NFATC4: variants seen among roughly 807,000 people sequenced by gnomAD.
NFATC4 encodes the protein nuclear factor of activated T-cells, cytoplasmic 4.
NFATC4 carries 25 observed loss-of-function variants against 73.4 expected under a neutral mutation model. That is an observed-to-expected ratio of 0.34 (90% CI 0.25 to 0.48). The LOEUF is 0.48. Ranked by LOEUF, NFATC4 falls within the 20% of genes least tolerant of loss-of-function variation. The pLI, the probability that NFATC4 is intolerant of heterozygous loss-of-function variation, is 0.99. For synonymous variants in NFATC4, 523 were observed against 510.3 expected, an observed-to-expected ratio of 1.02 and a Z score of -0.34; for missense variants, 1,130 against 1,203.7, an observed-to-expected ratio of 0.94 and a Z score of 0.91.
rs761831773 is a variant in NFATC4, at chr14:24,373,293, G to A, written c.1482G>A (p.Thr494=). The change falls in exon 4 of 10, where the codon ACG becomes ACA. Residue 494 remains threonine (T), a synonymous_variant. Coordinates refer to ENST00000250373, the MANE Select transcript of NFATC4 (RefSeq NM_004554.5). This position sits in a 1 kb window ranked among gnomAD's most constrained non-coding sequence, Gnocchi z 4.7. ...VHRITGKMVA[T]ASYEAVVSGT... ...GTATCACAGGCAAGATGGTGGCCAC[G>A]GCCAGCTATGAAGCCGTAGTCAGTG... 4.3e-6 allele frequency: 7 copies of A among 1,614,174 alleles called. No individual in the cohort carries two copies. Among genetic ancestry groups the A allele is most frequent in the South Asian group, 2.2e-5 (2 of 91,082 alleles).
At position 24,369,702 on chromosome 14, in the gene NFATC4, G is replaced by C. The variant is rs750661193; in HGVS notation, c.304G>C (p.Ala102Pro). Residue 102 changes from alanine to proline, a missense_variant, in exon 2 of 10, where the codon GCT (alanine) becomes CCT (proline). This residue lies in a region of NFATC4 where 585 missense variants were observed against 574.3 expected (regional missense o/e 1.02). Coordinates refer to ENST00000250373, the MANE Select transcript of NFATC4 (RefSeq NM_004554.5). ...GAGGCTGGGAGGACCAGGAGGGGGT[G>C]CTGGGGGTGCTGGGGGTGGCCGTGT... ...SVRLGGPGGG[A>P]GGAGGGRVLE... 2.5e-6 allele frequency: 4 copies of C among 1,609,852 alleles called. No individual in the cohort carries two copies. Among genetic ancestry groups the C allele is most frequent in the Non-Finnish European group, 2.5e-6 (3 of 1,177,670 alleles).
chr14:24,372,287 T>C, intron 2 of NFATC4, 154 bp from the exon 3 acceptor site: 1 of 811,568 alleles, frequency 1.2e-6, no homozygotes, highest in Non-Finnish European at 1.8e-6. Context: ...AAAAATTCTT[T>C]TTTCCCTTCT....
In NFATC4 at chr14:24,376,699, C is replaced by G. The variant is rs769268740; in HGVS notation, c.2462C>G (p.Pro821Arg). The change falls in exon 9 of 10, where the codon CCG becomes CGG. Residue 821 changes from proline (P) to arginine (R), a missense_variant. Physicochemically the swap from Pro to Arg is moderately radical, Grantham distance 103. Transcript: ENST00000250373. The surrounding 1 kb of genome is among the most constrained non-coding windows in gnomAD (Gnocchi z 5.0). ...FRPPPLPASP[P>R]LEGPFPSQSD... ...CCGCCTCCTCTTCCTGCATCCCCAC[C>G]GCTTGAAGGCCCCTTCCCTTCCCAG... 14 of 1,613,700 alleles carry G rather than the reference C, an allele frequency of 8.7e-6. No individual in the cohort carries two copies. The highest frequency in any genetic ancestry group is 1.6e-4 in the Middle Eastern group (1 of 6,084).
chr14:24,367,165 T>C, upstream of NFATC4: 1 of 1,613,572 alleles, frequency 6.2e-7, no homozygotes. Context: ...TCTCCAAGCC[T>C]GACTTTCCCG....
chr14:24,373,485 G>T lies in NFATC4; in HGVS notation c.1559+115G>T. 2.1e-6 allele frequency: 3 copies of T among 1,410,764 alleles called. No homozygotes were observed. Among genetic ancestry groups the T allele is most frequent in the Non-Finnish European group, 1.9e-6 (2 of 1,031,950 alleles). The allele number at this position is 1,410,764 out of a possible 1,614,324, so 87.4% of individuals were successfully genotyped here. ...GAAGAGGTAGACATTTTTCCTAGGA[G>T]CTGGCTTCAGGCCTACCCACCATCT... On this transcript the variant is annotated intron_variant, in intron 4 of 9. Coordinates refer to ENST00000250373, the MANE Select transcript of NFATC4 (RefSeq NM_004554.5). The surrounding 1 kb of genome is among the most constrained non-coding windows in gnomAD (Gnocchi z 4.7).
At chr14:24,367,943 A>C (rs2042349679), upstream of NFATC4, 1 of 1,249,612 alleles carries the variant, frequency 8.0e-7, no homozygotes, top group Admixed American at 3.9e-5. Flanking sequence ...ACAACGGCGG[A>C]CCAATAGGCA....
chr14:24,370,294 C>A lies in NFATC4; in HGVS notation c.896C>A (p.Pro299Gln). ...SLGEEGSEPP[P>Q]PPPLPLARDP... ...GGGGAAGAGGGGTCTGAGCCACCTC[C>A]ACCACCCCCATTGCCTCTGGCCCGG... is the stretch of plus-strand genomic sequence containing the variant. Residue 299 changes from proline to glutamine, a missense_variant, in exon 2 of 10, where the codon CCA (proline) becomes CAA (glutamine). By Grantham distance (76) the Pro-to-Gln change is moderately conservative. Coordinates refer to ENST00000250373, the MANE Select transcript of NFATC4 (RefSeq NM_004554.5). The A allele has an allele frequency of 6.2e-7, 1 of 1,611,580 alleles. No individual in the cohort carries two copies. The highest frequency in any genetic ancestry group is 8.5e-7 in the Non-Finnish European group (1 of 1,178,484).
Position 24,376,280 on chromosome 14 carries a change from T to G in NFATC4, c.2057-14T>G. 2.6e-6 allele frequency: 4 copies of G among 1,560,024 alleles called. No homozygotes were observed. Among genetic ancestry groups the G allele is most frequent in the Non-Finnish European group, 2.6e-6 (3 of 1,152,826 alleles). ...CCTCTCACCAGCATGTCCTCCCACTTCCTGTCTTCCCAGTGATCTGCAAAG... is the reference window on the plus strand; with the variant it reads ...CCTCTCACCAGCATGTCCTCCCACTGCCTGTCTTCCCAGTGATCTGCAAAG... On this transcript the variant is annotated splice_polypyrimidine_tract_variant and intron_variant, in intron 8 of 9. Transcript: ENST00000250373. The surrounding 1 kb of genome is among the most constrained non-coding windows in gnomAD (Gnocchi z 5.0).
chr14:24,372,336 C>A, intron 2 of NFATC4, 105 bp from the exon 3 acceptor site: 5 of 1,218,690 alleles, frequency 4.1e-6, no homozygotes, highest in Middle Eastern at 5.7e-4. Flanking sequence ...TTCTTCTGTG[C>A]TTTCCTTTCT....
chr14:24,372,327 T>C (rs573652874), intron 2 of NFATC4, 114 bp from the exon 3 acceptor site: 3 of 1,137,862 alleles, frequency 2.6e-6, no homozygotes, highest in Admixed American at 2.4e-5. Flanking sequence ...CTTCTTTATT[T>C]CTTCTGTGCT....
At position 24,374,365 on chromosome 14, in the gene NFATC4, A is replaced by G; in HGVS notation, c.1772A>G (p.Tyr591Cys). 2 of 1,613,826 alleles carry G rather than the reference A, an allele frequency of 1.2e-6. No homozygotes were observed. Among genetic ancestry groups the G allele is most frequent in the Non-Finnish European group, 1.7e-6 (2 of 1,179,942 alleles). Residue 591 changes from tyrosine (Y) to cysteine (C), a missense_variant, in exon 6 of 10, where the codon TAC (tyrosine) becomes TGC (cysteine). Coordinates refer to ENST00000250373, the MANE Select transcript of NFATC4 (RefSeq NM_004554.5). ...CAGGAGCTGCCCCAGGTGGAGGCCT[A>G]CAGCCCCAGTGCCTGCTCTGTGAGA... ...SAQELPQVEA[Y>C]SPSACSVRGG...
rs770490815 is a variant in NFATC4 at position 24,372,495 on chromosome 14, G to A, written c.1251G>A (p.Leu417=). ...DWPLPSQYEQ[L]ELRIEVQPRA... is the part of the protein sequence containing the mutation. ...CTCTGCCCAGCCAATATGAGCAGCT[G>A]GAGCTGAGGATCGAGGTACAGCCTA... The change falls in exon 3 of 10, where the codon CTG becomes CTA. Residue 417 remains leucine, a synonymous_variant. Transcript: ENST00000250373. The A allele has an allele frequency of 1.2e-6, 2 of 1,614,030 alleles. No homozygotes were observed. Among genetic ancestry groups the A allele is most frequent in the Non-Finnish European group, 1.7e-6 (2 of 1,180,034 alleles).
chr14:24,376,104 G>A lies in NFATC4; in HGVS notation c.2056+3G>A. The A allele has an allele frequency of 6.2e-7, 1 of 1,613,956 alleles. No homozygotes were observed. The highest frequency in any genetic ancestry group is 8.5e-7 in the Non-Finnish European group (1 of 1,179,930). ...CCAGAGTTTCAGGTTTCTGCCTGGT[G>A]CGCTCTGGGACAGCCCATGGTGGGG... is the stretch of plus-strand genomic sequence containing the variant. On this transcript the variant is annotated splice_donor_region_variant and intron_variant, in intron 8 of 9. Transcript: ENST00000250373. The surrounding 1 kb of genome is among the most constrained non-coding windows in gnomAD (Gnocchi z 5.0).
Position 24,372,679 on chromosome 14 carries a change from GC to G in NFATC4, c.1359+79del. Reference sequence around the variant, plus strand: ...TCCAGCTATGCAGACACATGGCACTGCCCTTTCCCACACTCCCTCTCAGCTC... The same window carrying G: ...TCCAGCTATGCAGACACATGGCACTGCCTTTCCCACACTCCCTCTCAGCTC... On this transcript the variant is annotated intron_variant, in intron 3 of 9. Coordinates refer to ENST00000250373, the MANE Select transcript of NFATC4 (RefSeq NM_004554.5). The G allele has an allele frequency of 1.8e-5, 28 of 1,568,224 alleles. No homozygotes were observed. In the South Asian group the frequency reaches 3.2e-4, roughly 18 times the overall value.
In NFATC4 at chr14:24,373,043, G is replaced by T. The variant is rs572654811; in HGVS notation, c.1360-128G>T. ...CCACAACGGGTGCCCAGTTCCCCAA[G>T]GGATTCCCTTGCAGGATATCCTTTA... On this transcript the variant is annotated intron_variant, in intron 3 of 9. Coordinates refer to ENST00000250373, the MANE Select transcript of NFATC4 (RefSeq NM_004554.5). The surrounding 1 kb of genome is among the most constrained non-coding windows in gnomAD (Gnocchi z 4.7). 2 of 942,680 alleles carry T rather than the reference G, an allele frequency of 2.1e-6. No individual in the cohort carries two copies. Among genetic ancestry groups the T allele is most frequent in the African/African-American group, 3.3e-5 (2 of 60,418 alleles). The allele number at this position is 942,680 out of a possible 1,614,324, so 58.4% of individuals were successfully genotyped here.
chr14:24,376,153 G>A lies in NFATC4; in HGVS notation c.2056+52G>A. The A allele has an allele frequency of 6.2e-7, 1 of 1,612,422 alleles. No individual in the cohort carries two copies. The highest frequency in any genetic ancestry group is 8.5e-7 in the Non-Finnish European group (1 of 1,178,968). ...GGGTATAGGGATATGGGGAGCTGGA[G>A]CAGGAGCAGAGGGAAGCAGTACTCA... On this transcript the variant is annotated intron_variant, in intron 8 of 9. Coordinates refer to ENST00000250373, the MANE Select transcript of NFATC4 (RefSeq NM_004554.5). This position sits in a 1 kb window ranked among gnomAD's most constrained non-coding sequence, Gnocchi z 5.0.
intron 1 of NFATC4, chr14:24,369,007 C>A: frequency 7.9e-7 from 1 of 1,268,186 alleles, no homozygotes; most frequent in Non-Finnish European, 1.0e-6. Flanking sequence ...CACCTCCGCC[C>A]CTAGATGGCG....
intron 2 of NFATC4, 107 bp downstream of exon 2, chr14:24,370,701 A>G: frequency 5.6e-6 from 8 of 1,439,906 alleles, no homozygotes; most frequent in Non-Finnish European, 7.4e-6. Flanking sequence ...TCTGAATTTC[A>G]AAAGAGTATC....
intron 6 of NFATC4, 38 bp from the exon 7 acceptor site, chr14:24,375,622 C>T (rs202002266): frequency 6.4e-7 from 1 of 1,550,402 alleles, no homozygotes; most frequent in East Asian, 2.4e-5. Flanking sequence ...GACAGGGGCG[C>T]TGGAGTTGGG....
Sources: gnomAD v4.1 joint callset for allele counts on GRCh38, gnomAD v4.1.1 for gene constraint, gnomAD v4.1.1 regional missense constraint, Gnocchi (gnomAD v3.1) non-coding constraint, MANE v1.5 for transcripts, NCBI Gene and HGNC (gene_info 2026-07-23, HGNC 2026-07-21) for gene names.